SEMA6D: variants seen among roughly 807,000 people sequenced by gnomAD.
The protein encoded by SEMA6D is semaphorin 6D, also known as semaphorin-6D.
A neutral mutation model predicts 106.6 loss-of-function variants in SEMA6D; 35 were observed. The ratio of observed to expected loss-of-function variants is 0.33; its 90% CI spans 0.25 to 0.44. SEMA6D has a LOEUF of 0.44. SEMA6D is among the 20% of genes least tolerant of loss of function. SEMA6D has a pLI of 1.00. For missense variants in SEMA6D, 1,185 were observed against 1,345.9 expected (o/e 0.88, Z 1.87); for synonymous variants, 499 against 487.7 (o/e 1.02, Z -0.31).
chr15:47,390,192 A>G (rs2039978879), intron 1 of SEMA6D, among the ~76,000 whole-genome samples: 2 of 152,188 alleles, frequency 1.3e-5, no homozygotes, highest in South Asian at 4.1e-4. Flanking sequence ...TGTTGGATCC[A>G]TGTCTGCTAC....
chr15:47,431,505 A>G (rs372383598), intron 2 of SEMA6D, among the ~76,000 whole-genome samples: 3 of 152,208 alleles, frequency 2.0e-5, no homozygotes, highest in African/African-American at 4.8e-5. Context: ...CAACAAACCT[A>G]CATCCTCCCG....
At chr15:47,234,822 C>G (rs924317824) in intron 1 of SEMA6D, among the ~76,000 whole-genome samples, 1 of 151,994 alleles carries the variant, frequency 6.6e-6, no homozygotes, top group Non-Finnish European at 1.5e-5. Flanking sequence ...TGTGCAGGTG[C>G]ATTTTTGATA....
chr15:47,526,359 G>A (rs1023882823), intron 3 of SEMA6D, among the ~76,000 whole-genome samples: 8 of 152,058 alleles, frequency 5.3e-5, no homozygotes, highest in Non-Finnish European at 1.0e-4. Flanking sequence ...TCCTTTTTGG[G>A]GGCTGAATAC....
At chr15:47,405,894 G>A (rs1167047269) in intron 1 of SEMA6D, among the ~76,000 whole-genome samples, 1 of 152,132 alleles carries the variant, frequency 6.6e-6, no homozygotes, top group African/African-American at 2.4e-5. Flanking sequence ...CAGGCATCTG[G>A]TAGCTCCAAA....
intron 4 of SEMA6D, among the ~76,000 whole-genome samples, chr15:47,675,653 GA>G (rs1168953369): frequency 6.6e-6 from 1 of 152,094 alleles, no homozygotes; most frequent in Non-Finnish European, 1.5e-5. Flanking sequence ...CTTTATATAA[GA>G]AAAAAATCAG....
chr15:47,593,604 C>G (rs1473565479), intron 3 of SEMA6D, among the ~76,000 whole-genome samples: 1 of 151,242 alleles, frequency 6.6e-6, no homozygotes, highest in Non-Finnish European at 1.5e-5. Context: ...GAAAAGATTC[C>G]AGGGTGAAGT....
intron 1 of SEMA6D, among the ~76,000 whole-genome samples, chr15:47,277,736 A>G (rs990768451): frequency 1.3e-5 from 2 of 151,778 alleles, no homozygotes; most frequent in African/African-American, 2.4e-5. Context: ...AGCATTAGGT[A>G]TATCTCCCAA....
intron 1 of SEMA6D, among the ~76,000 whole-genome samples, chr15:47,756,374 C>T (rs1567083225): frequency 6.6e-6 from 1 of 152,044 alleles, no homozygotes; most frequent in East Asian, 1.9e-4. Flanking sequence ...AAGACGTAAC[C>T]AGAATAGACA....
At chr15:47,271,745 T>C (rs2034571289) in intron 1 of SEMA6D, among the ~76,000 whole-genome samples, 1 of 152,114 alleles carries the variant, frequency 6.6e-6, no homozygotes, top group African/African-American at 2.4e-5. Flanking sequence ...AGAGAAAATA[T>C]TAATATAAAA....
chr15:47,372,979 T>C (rs1432760603), intron 1 of SEMA6D, among the ~76,000 whole-genome samples: 2 of 152,182 alleles, frequency 1.3e-5, no homozygotes, highest in Non-Finnish European at 2.9e-5. Context: ...AATGCCAAAC[T>C]TAGATCACGG....
chr15:47,621,052 A>C (rs2077089294), intron 4 of SEMA6D, among the ~76,000 whole-genome samples: 1 of 152,184 alleles, frequency 6.6e-6, no homozygotes, highest in Non-Finnish European at 1.5e-5. Context: ...ACTCATAGAG[A>C]TGGGCTCTTA....
At chr15:47,295,232 G>A (rs1228204793) in intron 1 of SEMA6D, among the ~76,000 whole-genome samples, 1 of 152,176 alleles carries the variant, frequency 6.6e-6, no homozygotes, top group Non-Finnish European at 1.5e-5. Flanking sequence ...TTTAGTCTTT[G>A]TTGTATCTTT....
intron 4 of SEMA6D, among the ~76,000 whole-genome samples, chr15:47,687,937 T>C (rs556494152): frequency 5.6e-4 from 86 of 152,272 alleles, no homozygotes; most frequent in African/African-American, 2.0e-3. Context: ...ATTTAGGACA[T>C]GTAGAATTTT....
chr15:47,567,500 C>G (rs1402791389), intron 3 of SEMA6D, among the ~76,000 whole-genome samples: 1 of 152,106 alleles, frequency 6.6e-6, no homozygotes, highest in Non-Finnish European at 1.5e-5. Context: ...CTCTCATTTC[C>G]TAACCATGAA....
chr15:47,704,531 C>A (rs2145961102), intron 4 of SEMA6D, among the ~76,000 whole-genome samples: 1 of 152,192 alleles, frequency 6.6e-6, no homozygotes, highest in African/African-American at 2.4e-5. Context: ...CCAGCCTGGG[C>A]AACATGGCCA....
intron 4 of SEMA6D, among the ~76,000 whole-genome samples, chr15:47,627,685 GA>G (rs1366310240): frequency 6.6e-6 from 1 of 152,028 alleles, no homozygotes. Context: ...ATAGTGTAGA[GA>G]TATCTCCTGT....
chr15:47,386,338 CAGA>C (rs540710291), intron 1 of SEMA6D, among the ~76,000 whole-genome samples: 1 of 152,106 alleles, frequency 6.6e-6, no homozygotes, highest in Non-Finnish European at 1.5e-5. Flanking sequence ...GAAAGCTAAG[CAGA>C]AGGAGACATC....
chr15:47,458,097 A>G (rs1161696523), intron 2 of SEMA6D, among the ~76,000 whole-genome samples: 1 of 152,008 alleles, frequency 6.6e-6, no homozygotes, highest in Non-Finnish European at 1.5e-5. Context: ...TCAGACAAAC[A>G]AGAGCTGAAA....
intron 1 of SEMA6D, chr15:47,272,972 GTT>G (rs1228688651): frequency 1.3e-5 from 2 of 152,178 alleles, no homozygotes; most frequent in Admixed American, 6.6e-5. Context: ...ATACCTGTAA[GTT>G]TGCAGGAATT....
Sources: gnomAD v4.1 joint callset for allele counts (sites outside exome capture counted in the v4.1 genomes callset) on GRCh38, gnomAD v4.1.1 for gene constraint, MANE v1.5 for transcripts, NCBI Gene and HGNC (gene_info 2026-07-23, HGNC 2026-07-21) for gene names.